The following MAGI2 variants were observed in gnomAD, a reference collection of about 807,000 sequenced individuals.
MAGI2 encodes the protein membrane-associated guanylate kinase, WW and PDZ domain-containing protein 2.
In MAGI2, 35 loss-of-function variants were observed where a neutral mutation model predicts 133.3. The ratio of observed to expected loss-of-function variants is 0.26; its 90% CI spans 0.20 to 0.35. The LOEUF is 0.35. Ranked by LOEUF, MAGI2 falls within the 10% of genes least tolerant of loss-of-function variation. MAGI2 has a pLI of 1.00. For missense variants in MAGI2, 1,636 were observed against 1,863.4 expected (o/e 0.88, Z 2.25); for synonymous variants, 729 against 710.6 (o/e 1.03, Z -0.41).
At chr7:78,195,171 G>C (rs1189405166) in intron 11 of MAGI2, 108 bp from the exon 12 acceptor site, 27 of 832,790 alleles carry the variant, frequency 3.2e-5, no homozygotes, top group Non-Finnish European at 4.7e-5. Context: ...TCTTCCAGGG[G>C]ATGGGTAAAA....
intron 2 of MAGI2, among the ~76,000 whole-genome samples, chr7:78,690,214 T>C (rs755861031): frequency 2.6e-5 from 4 of 152,338 alleles, no homozygotes; most frequent in Admixed American, 2.0e-4. Flanking sequence ...CATTAAAATA[T>C]AGAATTCATT....
rs540296371 is a variant in MAGI2 at position 78,555,383 on chromosome 7, T to C, written c.539-33738A>G. Among the ~76,000 whole-genome samples the C allele has an allele frequency of 2.0e-5, 3 of 152,212 alleles. No individual in the cohort carries two copies. The East Asian group carries it at 5.8e-4, about 29-fold the overall frequency. On this transcript the variant is annotated intron_variant, in intron 3 of 21. Transcript: ENST00000354212. ...CAAACAGGCCCAAGTACATATCAAA[T>C]TTAGTTTCATATGTAGATGATAAAA...
At chr7:78,738,663 A>G (rs930502210) in intron 2 of MAGI2, among the ~76,000 whole-genome samples, 9 of 152,184 alleles carry the variant, frequency 5.9e-5, no homozygotes, top group African/African-American at 1.9e-4. Flanking sequence ...AGTGAACTCT[A>G]AAGGAGGATG....
chr7:78,828,778 TA>T (rs1790884997), intron 2 of MAGI2, among the ~76,000 whole-genome samples: 1 of 152,178 alleles, frequency 6.6e-6, no homozygotes, highest in Non-Finnish European at 1.5e-5. Flanking sequence ...AAATTTTCTG[TA>T]AAACTAAAAT....
intron 3 of MAGI2, among the ~76,000 whole-genome samples, chr7:78,527,556 A>C (rs1199200643): frequency 1.3e-5 from 2 of 152,172 alleles, no homozygotes; most frequent in Non-Finnish European, 2.9e-5. Context: ...ATATCAAAAT[A>C]TTATTTTCTG....
intron 1 of MAGI2, among the ~76,000 whole-genome samples, chr7:79,154,066 C>T (rs1224143138): frequency 6.6e-6 from 1 of 152,064 alleles, no homozygotes; most frequent in Non-Finnish European, 1.5e-5. Context: ...TTTAACATTT[C>T]ATTTTTCTGA....
At chr7:78,432,060 T>A (rs1799844385) in intron 6 of MAGI2, among the ~76,000 whole-genome samples, 2 of 152,004 alleles carry the variant, frequency 1.3e-5, no homozygotes, top group Non-Finnish European at 2.9e-5. Context: ...ATAAAATTGA[T>A]TTTTAAAAAT....
At position 78,019,385 on chromosome 7, in the gene MAGI2, G is replaced by A; in HGVS notation, c.4298C>T (p.Pro1433Leu). Reference sequence around the variant, plus strand: ...CTTGTCAGAACCCGGCACCTTCCAGGGCCCCGGCGCGACGGCGGCCTTGCG... The same window carrying A: ...CTTGTCAGAACCCGGCACCTTCCAGAGCCCCGGCGCGACGGCGGCCTTGCG... ...PARKAAVAPG[P>L]WKVPGSDKLP... The change falls in exon 22 of 22, where the codon CCC (proline) becomes CTC (leucine). Residue 1433 changes from proline (P) to leucine (L), a missense_variant. Transcript: ENST00000354212. The A allele has an allele frequency of 8.0e-7, 1 of 1,248,394 alleles. No individual in the cohort carries two copies. Among genetic ancestry groups the A allele is most frequent in the Non-Finnish European group, 1.0e-6 (1 of 998,294 alleles). 77.3% of individuals were successfully genotyped at this position (1,248,394 alleles called of 1,614,324 possible). A position where few individuals can be genotyped will look rare whatever the true frequency, so the allele number is the denominator to read the frequency against.
At chr7:78,854,957 G>A (rs1230249213) in intron 2 of MAGI2, among the ~76,000 whole-genome samples, 1 of 151,464 alleles carries the variant, frequency 6.6e-6, no homozygotes, top group Non-Finnish European at 1.5e-5. Flanking sequence ...CCCAATTCAA[G>A]CAATTCTACC....
chr7:78,723,964 AAAG>A (rs1419911496), intron 2 of MAGI2, among the ~76,000 whole-genome samples: 6 of 152,102 alleles, frequency 3.9e-5, no homozygotes, highest in Admixed American at 3.9e-4. Flanking sequence ...AAAGAGGAAA[AAAG>A]AAGGAAAACT....
chr7:79,439,598 G>A (rs16885139), intron 1 of MAGI2, among the ~76,000 whole-genome samples: 14,151 of 152,122 alleles, frequency 0.093, 729 homozygotes, highest in Middle Eastern at 0.15. Flanking sequence ...TGCATTCTTA[G>A]AGGGTAGAAT....
chr7:79,143,931 G>C (rs1441849832), intron 1 of MAGI2, among the ~76,000 whole-genome samples: 4 of 152,136 alleles, frequency 2.6e-5, no homozygotes, highest in African/African-American at 9.7e-5. Flanking sequence ...CCAAACTGGA[G>C]TAGGAAGAAA....
chr7:79,241,356 C>A (rs1342031293), intron 1 of MAGI2, among the ~76,000 whole-genome samples: 2 of 152,160 alleles, frequency 1.3e-5, no homozygotes, highest in Non-Finnish European at 2.9e-5. Context: ...AAGATTATAA[C>A]AGTGAGATAA....
At chr7:79,162,345 T>G (rs1026363454) in intron 1 of MAGI2, among the ~76,000 whole-genome samples, 3 of 152,082 alleles carry the variant, frequency 2.0e-5, no homozygotes, top group African/African-American at 7.2e-5. Context: ...GGAATCTGCC[T>G]TATTTGGCAT....
intron 1 of MAGI2, among the ~76,000 whole-genome samples, chr7:79,202,335 T>C (rs1017561334): frequency 4.6e-5 from 7 of 151,910 alleles, no homozygotes; most frequent in African/African-American, 1.7e-4. Flanking sequence ...AGTCACTTAA[T>C]TGGGAATGAG....
intron 17 of MAGI2, chr7:78,134,471 T>A (rs1821891429): frequency 6.5e-6 from 1 of 153,164 alleles, no homozygotes; most frequent in South Asian, 2.0e-4. Flanking sequence ...TGAATTGTGA[T>A]GTTCACTACT....
chr7:79,307,260 A>ATCCT (rs1316978430), intron 1 of MAGI2, among the ~76,000 whole-genome samples: 3 of 152,198 alleles, frequency 2.0e-5, no homozygotes, highest in African/African-American at 7.2e-5. Flanking sequence ...GCAGTGTAAA[A>ATCCT]TCATAGCTAC....
chr7:78,451,231 A>G (rs2110871), intron 6 of MAGI2, among the ~76,000 whole-genome samples: 78,905 of 151,894 alleles, frequency 0.52, 24,485 homozygotes, highest in Non-Finnish European at 0.69. Context: ...TATTCATCAT[A>G]TCCAAATGGG....
chr7:78,629,268 G>A (rs924502913), intron 2 of MAGI2, among the ~76,000 whole-genome samples: 4 of 152,132 alleles, frequency 2.6e-5, no homozygotes, highest in African/African-American at 9.7e-5. Flanking sequence ...ATCACCTATT[G>A]CTATTGACCC....
Sources: allele counts gnomAD v4.1 joint callset (sites outside exome capture counted in the v4.1 genomes callset), GRCh38; gene constraint gnomAD v4.1.1; transcripts MANE v1.5; gene names NCBI Gene and HGNC (gene_info 2026-07-23, HGNC 2026-07-21).